FOCAD: variants seen among roughly 807,000 people sequenced by gnomAD.
FOCAD encodes the protein KIAA1797.
FOCAD carries 198 observed loss-of-function variants against 225.6 expected under a neutral mutation model. The ratio of observed to expected loss-of-function variants is 0.88; its 90% CI spans 0.78 to 0.99. The LOEUF is 0.99. Among genes scored for constraint, FOCAD ranks in the 50% least tolerant of loss-of-function variants. The pLI, the probability that FOCAD is intolerant of heterozygous loss-of-function variation, is 0.00. For missense variants in FOCAD, 2,713 were observed against 2,123.6 expected, an observed-to-expected ratio of 1.28 and a Z score of -5.46; for synonymous variants, 897 against 755.0, an observed-to-expected ratio of 1.19 and a Z score of -3.08.
chr9:20,978,227 C>G (rs1206982088), intron 36 of FOCAD, 112 bp from the exon 37 acceptor site: 2 of 606,244 alleles, frequency 3.3e-6, no homozygotes, highest in Non-Finnish European at 5.6e-6. Context: ...TACTGAAGTT[C>G]TGTTACCTGC....
intron 4 of FOCAD, among the ~76,000 whole-genome samples, chr9:20,723,926 G>A (rs1485116528): frequency 3.9e-5 from 6 of 152,168 alleles, no homozygotes; most frequent in East Asian, 3.9e-4. Flanking sequence ...TTACAGTCAC[G>A]GTGGAAGGCA....
chr9:20,943,948 G>A (rs373091062), intron 28 of FOCAD, among the ~76,000 whole-genome samples: 7 of 152,182 alleles, frequency 4.6e-5, no homozygotes, highest in East Asian at 1.9e-4. Flanking sequence ...GGGGCACAAA[G>A]CCCTAGATTT....
intron 11 of FOCAD, among the ~76,000 whole-genome samples, chr9:20,790,039 A>T (rs1587172055): frequency 1.3e-5 from 2 of 152,214 alleles, no homozygotes; most frequent in Admixed American, 6.5e-5. Context: ...AACTTCTTGC[A>T]GTTTGATACT....
intron 4 of FOCAD, among the ~76,000 whole-genome samples, chr9:20,729,057 C>G (rs1440462920): frequency 6.6e-6 from 1 of 152,180 alleles, no homozygotes; most frequent in Non-Finnish European, 1.5e-5. Flanking sequence ...TTACAGATTT[C>G]CAATGGTGGG....
intron 21 of FOCAD, among the ~76,000 whole-genome samples, chr9:20,891,162 C>T (rs1224589046): frequency 6.6e-6 from 1 of 152,124 alleles, no homozygotes; most frequent in Non-Finnish European, 1.5e-5. Flanking sequence ...CACATAGCAC[C>T]ATGAACTTCA....
intron 4 of FOCAD, among the ~76,000 whole-genome samples, chr9:20,724,946 A>G (rs1336361185): frequency 6.6e-6 from 1 of 152,200 alleles, no homozygotes; most frequent in African/African-American, 2.4e-5. Context: ...AGGCAGGTAC[A>G]TCGCTTGAGG....
rs1840774847 is a variant in FOCAD at position 20,982,376 on chromosome 9, A to G, written c.4658A>G (p.Tyr1553Cys). The G allele has an allele frequency of 1.2e-6, 2 of 1,613,478 alleles. No individual in the cohort carries two copies. The highest frequency in any genetic ancestry group is 4.5e-5 in the East Asian group (2 of 44,834). The change falls in exon 39 of 44, where the codon TAT becomes TGT. Residue 1553 changes from tyrosine to cysteine, a missense_variant. Physicochemically the swap from Tyr to Cys is radical, Grantham distance 194. Transcript: ENST00000338382. ...NKIRRKDLEL[Y>C]ISIAKCLLEM... The stretch of plus-strand genomic sequence containing the variant: ...TATCAGAGAAAGGATCTAGAGCTGT[A>G]TATCAGCATAGCAAAATGCCTCTTA...
chr9:20,764,881 A>T lies in FOCAD; in HGVS notation c.507A>T (p.Ser169=), dbSNP rs1829919828. Residue 169 remains serine, a synonymous_variant, in exon 7 of 44, where the codon TCA becomes TCT. Coordinates refer to ENST00000338382, the MANE Select transcript of FOCAD (RefSeq NM_001375567.1). The part of the protein sequence containing the change: ...FQQCPERLEV[S]CIQIMAPFLW... Reference sequence around the variant, plus strand: ...TCATGTCTTATAGGTTAGAAGTTTCATGCATTCAAATAATGGCACCATTTC... The same window carrying T: ...TCATGTCTTATAGGTTAGAAGTTTCTTGCATTCAAATAATGGCACCATTTC... 1.2e-6 allele frequency: 2 copies of T among 1,613,784 alleles called. No individual in the cohort carries two copies. The highest frequency in any genetic ancestry group is 3.3e-5 in the Admixed American group (2 of 59,978).
chr9:20,859,693 A>G (rs1320341360), intron 15 of FOCAD, among the ~76,000 whole-genome samples: 2 of 147,266 alleles, frequency 1.4e-5, no homozygotes, highest in Non-Finnish European at 3.0e-5. Flanking sequence ...AGAATGGAGT[A>G]TTATATATAT....
chr9:20,949,687 A>T lies in FOCAD; in HGVS notation c.3948+12A>T. 1 of 1,604,856 alleles carries T rather than the reference A, an allele frequency of 6.2e-7. No homozygotes were observed. Among genetic ancestry groups the T allele is most frequent in the Non-Finnish European group, 8.5e-7 (1 of 1,172,212 alleles). ...GAACCTTAACTCAGGTGAGAAAATG[A>T]ATTTAAAATCCTTGGGTGGAAAACA... On this transcript the variant is annotated intron_variant, in intron 33 of 43. Transcript: ENST00000338382.
chr9:20,995,583 C>A lies in FOCAD; in HGVS notation c.5360C>A (p.Pro1787Gln). The change falls in exon 44 of 44, where the codon CCA becomes CAA. Residue 1787 changes from proline to glutamine, a missense_variant. Coordinates refer to ENST00000338382, the MANE Select transcript of FOCAD (RefSeq NM_001375567.1). ...ACCCTGCTGTCCTTGAGAGTTCTCC[C>A]AGAGTTTAAGAAGAAAGCTGTATGG... ...KATLLSLRVL[P>Q]EFKKKAVWTR... 1 of 1,612,866 alleles carries A rather than the reference C, an allele frequency of 6.2e-7. No homozygotes were observed. Among genetic ancestry groups the A allele is most frequent in the South Asian group, 1.1e-5 (1 of 91,070 alleles).
intron 11 of FOCAD, among the ~76,000 whole-genome samples, chr9:20,802,495 C>T (rs1455450127): frequency 6.6e-6 from 1 of 151,972 alleles, no homozygotes; most frequent in Admixed American, 6.6e-5. Context: ...CAAGGGAAAC[C>T]ATGTCTTACT....
chr9:20,785,234 AT>A (rs1819790493), intron 10 of FOCAD, among the ~76,000 whole-genome samples: 2 of 152,196 alleles, frequency 1.3e-5, no homozygotes, highest in South Asian at 4.1e-4. Context: ...TAATAGCTTT[AT>A]TGAAATGTAA....
chr9:20,727,227 G>C (rs1046381656), intron 4 of FOCAD, among the ~76,000 whole-genome samples: 4 of 151,604 alleles, frequency 2.6e-5, no homozygotes, highest in African/African-American at 9.7e-5. Context: ...TCAACTTTCA[G>C]TTCCTAATCA....
At chr9:20,826,356 C>G (rs898014125) in intron 15 of FOCAD, among the ~76,000 whole-genome samples, 1 of 152,056 alleles carries the variant, frequency 6.6e-6, no homozygotes, top group Non-Finnish European at 1.5e-5. Flanking sequence ...ATGCTTCCTG[C>G]CCTCGAACAT....
Position 20,928,781 on chromosome 9 carries a change from C to T in FOCAD, c.3079-577C>T, listed in dbSNP as rs527796835. On this transcript the variant is annotated intron_variant, in intron 26 of 43. Coordinates refer to ENST00000338382, the MANE Select transcript of FOCAD (RefSeq NM_001375567.1). The stretch of plus-strand genomic sequence containing the variant: ...TCCTTTTTAATTAAAAGGAATTAAC[C>T]CCCTGTAGGAAATAATCCATCTACT... Among the ~76,000 whole-genome samples the T allele has an allele frequency of 1.4e-4, 22 of 152,174 alleles. No homozygotes were observed. In the East Asian group the frequency reaches 3.9e-3, roughly 27 times the overall value.
At chr9:20,699,238 T>C (rs1823638151) in intron 1 of FOCAD, among the ~76,000 whole-genome samples, 1 of 152,092 alleles carries the variant, frequency 6.6e-6, no homozygotes, top group South Asian at 2.1e-4. Context: ...TAGATAGTGT[T>C]TGAATTTGGG....
rs34766901 is a variant in FOCAD, at chr9:20,766,578, T to TA, written c.699+1512dup. Among the ~76,000 whole-genome samples the TA allele has an allele frequency of 1.8e-3, 269 of 152,168 alleles. 3 individuals are homozygous for TA. The East Asian group carries it at 0.043, about 24-fold the overall frequency. ...CTCAGAACAAAATGAAATAAGCTTT[T>TA]AAAAAAACCCCATCTGTATCCTATC... On this transcript the variant is annotated intron_variant, in intron 7 of 43. Transcript: ENST00000338382.
At chr9:20,753,208 T>C (rs1364472556) in intron 5 of FOCAD, among the ~76,000 whole-genome samples, 2 of 151,158 alleles carry the variant, frequency 1.3e-5, no homozygotes, top group East Asian at 1.9e-4. Flanking sequence ...TGAATAGGAG[T>C]GGTGAGAGAG....
Sources: allele counts gnomAD v4.1 joint callset (sites outside exome capture counted in the v4.1 genomes callset), GRCh38; gene constraint gnomAD v4.1.1; transcripts MANE v1.5; gene names NCBI Gene and HGNC (gene_info 2026-07-23, HGNC 2026-07-21).